Variants in DLGAP1 observed in about 807,000 individuals in gnomAD.
DLGAP1 encodes disks large-associated protein 1.
In DLGAP1, 11 loss-of-function variants were observed where a neutral mutation model predicts 90.8. The ratio of observed to expected loss-of-function variants is 0.12; its 90% CI spans 0.08 to 0.20. The LOEUF (loss-of-function observed/expected upper bound fraction) is 0.20. Among genes scored for constraint, DLGAP1 ranks in the 10% least tolerant of loss-of-function variants. The pLI, the probability that DLGAP1 is intolerant of heterozygous loss-of-function variation, is 1.00. For missense variants in DLGAP1, 1,050 were observed against 1,333.8 expected (o/e 0.79, Z 3.31); for synonymous variants, 558 against 540.7 (o/e 1.03, Z -0.44).
At chr18:4,381,584 A>G (rs550553173) in intron 1 of DLGAP1, among the ~76,000 whole-genome samples, 2 of 152,146 alleles carry the variant, frequency 1.3e-5, no homozygotes, top group East Asian at 1.9e-4. Flanking sequence ...TGTTAATTCC[A>G]TGTTCTAGCA....
chr18:4,404,202 T>C (rs2082616870), intron 1 of DLGAP1, among the ~76,000 whole-genome samples: 2 of 152,226 alleles, frequency 1.3e-5, no homozygotes, highest in African/African-American at 4.8e-5. Context: ...TCACTGTATA[T>C]GACTTGGAAA....
intron 9 of DLGAP1, among the ~76,000 whole-genome samples, chr18:3,548,533 G>C (rs1324074189): frequency 1.3e-5 from 2 of 151,816 alleles, no homozygotes; most frequent in Non-Finnish European, 2.9e-5. Context: ...GGAGACTGAG[G>C]GGGGTGTGGA....
At chr18:4,057,242 G>A (rs2075233962) in intron 2 of DLGAP1, among the ~76,000 whole-genome samples, 1 of 152,132 alleles carries the variant, frequency 6.6e-6, no homozygotes, top group Non-Finnish European at 1.5e-5. Flanking sequence ...GAAAACTCCT[G>A]AAACTGGTGA....
chr18:3,641,522 A>G (rs1360226611), intron 7 of DLGAP1, among the ~76,000 whole-genome samples: 1 of 141,662 alleles, frequency 7.1e-6, no homozygotes, highest in Non-Finnish European at 1.5e-5. Flanking sequence ...GGGCAGCAGG[A>G]GCAAAACTCC....
chr18:3,672,945 G>A (rs1292058456), intron 7 of DLGAP1, among the ~76,000 whole-genome samples: 2 of 152,102 alleles, frequency 1.3e-5, no homozygotes, highest in Admixed American at 6.6e-5. Context: ...CTTGCCTGTT[G>A]TATTCCAACT....
At chr18:4,452,441 A>G (rs1176520752) in intron 1 of DLGAP1, among the ~76,000 whole-genome samples, 1 of 151,578 alleles carries the variant, frequency 6.6e-6, no homozygotes, top group African/African-American at 2.4e-5. Context: ...GTACTTTGTA[A>G]AACAAGTCCC....
intron 2 of DLGAP1, among the ~76,000 whole-genome samples, chr18:4,047,371 A>T (rs982859663): frequency 6.6e-6 from 1 of 152,266 alleles, no homozygotes; most frequent in Non-Finnish European, 1.5e-5. Context: ...TACTTGGGTA[A>T]ATGTAATGAG....
At chr18:4,010,512 C>A (rs555341392) in intron 2 of DLGAP1, among the ~76,000 whole-genome samples, 2 of 152,164 alleles carry the variant, frequency 1.3e-5, no homozygotes, top group South Asian at 2.1e-4. Context: ...CGCGTCACTG[C>A]GCTCCAGCCT....
intron 3 of DLGAP1, among the ~76,000 whole-genome samples, chr18:3,998,028 G>C (rs1040864808): frequency 1.8e-4 from 27 of 152,262 alleles, no homozygotes; most frequent in Admixed American, 4.6e-4. Flanking sequence ...ACAGGTGGTG[G>C]TGTGTACCTC....
intron 7 of DLGAP1, among the ~76,000 whole-genome samples, chr18:3,675,183 G>A (rs2060254756): frequency 6.6e-6 from 1 of 152,140 alleles, no homozygotes; most frequent in African/African-American, 2.4e-5. Context: ...CGATTATCCT[G>A]CCTCAGCCTC....
chr18:3,582,576 T>C (rs2055584702), intron 7 of DLGAP1, among the ~76,000 whole-genome samples: 1 of 152,100 alleles, frequency 6.6e-6, no homozygotes, highest in Non-Finnish European at 1.5e-5. Flanking sequence ...ACAAATTGTA[T>C]AGGCACATAG....
chr18:4,447,208 G>A (rs934874218), intron 1 of DLGAP1, among the ~76,000 whole-genome samples: 23 of 152,112 alleles, frequency 1.5e-4, no homozygotes, highest in South Asian at 4.1e-4. Context: ...TGATGTACAC[G>A]TGAATGTTCA....
Position 3,897,976 on chromosome 18 carries a change from A to T in DLGAP1, c.-72-17836T>A, listed in dbSNP as rs965449668. On this transcript the variant is annotated intron_variant, in intron 3 of 12. Coordinates refer to ENST00000315677, the MANE Select transcript of DLGAP1 (RefSeq NM_004746.4). ...CGCCCGGCTAATTTTTTGTATTTTT[A>T]GTAGAGACGGGGTTTCACCTTGTTA... Among the ~76,000 whole-genome samples, 4 of 150,980 alleles carry T rather than the reference A, an allele frequency of 2.6e-5. No individual in the cohort carries two copies. In the South Asian group the frequency reaches 8.4e-4, roughly 32 times the overall value.
chr18:4,045,221 T>C (rs1312519199), intron 2 of DLGAP1, among the ~76,000 whole-genome samples: 2 of 151,806 alleles, frequency 1.3e-5, no homozygotes, highest in Non-Finnish European at 2.9e-5. Context: ...TTAGGAGCCA[T>C]CCATGAAACC....
intron 9 of DLGAP1, among the ~76,000 whole-genome samples, chr18:3,562,539 CTTTTTTTTTTT>C (rs59612709): frequency 8.5e-6 from 1 of 118,156 alleles, no homozygotes; most frequent in East Asian, 2.5e-4. Context: ...TCTTCTCTCC[CTTTTTTTTTTT>C]TTTTTTTTTT....
chr18:4,094,250 T>C (rs904812082), intron 2 of DLGAP1, among the ~76,000 whole-genome samples: 1 of 152,204 alleles, frequency 6.6e-6, no homozygotes, highest in Non-Finnish European at 1.5e-5. Flanking sequence ...TGTTTACATA[T>C]TAATCTTATC....
chr18:4,016,396 G>C (rs915483587), intron 2 of DLGAP1, among the ~76,000 whole-genome samples: 1 of 152,152 alleles, frequency 6.6e-6, no homozygotes, highest in African/African-American at 2.4e-5. Context: ...ATTGTTCCCA[G>C]TTCAAAGATA....
rs554191897 is a variant in DLGAP1, at chr18:4,020,216, C to A, written c.-158-15015G>T. Among the ~76,000 whole-genome samples the A allele has an allele frequency of 3.3e-5, 5 of 152,100 alleles. No homozygotes were observed. In the South Asian group the frequency reaches 1.0e-3, roughly 32 times the overall value. ...GCTGGAGGGGTATTGTGAGGCATGT[C>A]CAACCCCCGACTTCCTGTCATGGCC... On this transcript the variant is annotated intron_variant, in intron 2 of 12. Transcript: ENST00000315677.
chr18:3,830,005 G>A (rs751103456), intron 4 of DLGAP1, among the ~76,000 whole-genome samples: 13 of 152,056 alleles, frequency 8.5e-5, no homozygotes, highest in Non-Finnish European at 1.5e-4. Flanking sequence ...CATATGCTCC[G>A]TTCATTTTCT....
Sources: allele counts gnomAD v4.1 joint callset (sites outside exome capture counted in the v4.1 genomes callset), GRCh38; gene constraint gnomAD v4.1.1; transcripts MANE v1.5; gene names NCBI Gene and HGNC (gene_info 2026-07-23, HGNC 2026-07-21).